HTR2C: variants seen among roughly 807,000 people sequenced by gnomAD.
HTR2C encodes the protein 5-hydroxytryptamine (serotonin) receptor 2C, G protein-coupled.
A neutral mutation model predicts 21.0 loss-of-function variants in HTR2C; 5 were observed. The observed-to-expected ratio is 0.24, with a 90% CI of 0.12 to 0.50. HTR2C has a LOEUF of 0.50. Among genes scored for constraint, HTR2C ranks in the 20% least tolerant of loss-of-function variants. The pLI is 0.98. For synonymous variants in HTR2C, 150 were observed against 145.3 expected (o/e 1.03, Z -0.23); for missense variants, 271 against 371.2 (o/e 0.73, Z 2.22).
chrX:114,902,209 C>T (rs782050906), intron 5 of HTR2C, among the ~76,000 whole-genome samples: 1 of 111,901 alleles, frequency 8.9e-6, no homozygotes, highest in South Asian at 3.7e-4. Flanking sequence ...ATTTACCAGA[C>T]ATGATAATAT....
At chrX:114,719,146 C>T (rs904172832) in intron 2 of HTR2C, among the ~76,000 whole-genome samples, 9 of 107,127 alleles carry the variant, frequency 8.4e-5, no homozygotes, top group East Asian at 2.9e-4. Flanking sequence ...TCAATTATTC[C>T]GTCAATTATC....
intron 2 of HTR2C, among the ~76,000 whole-genome samples, chrX:114,652,492 G>A (rs1243730625): frequency 3.7e-5 from 4 of 109,343 alleles, no homozygotes; most frequent in Non-Finnish European, 7.6e-5. Context: ...GAATAGAGGT[G>A]GGAAATGGAT....
intron 2 of HTR2C, among the ~76,000 whole-genome samples, chrX:114,682,141 G>T (rs1310077573): frequency 9.0e-6 from 1 of 110,704 alleles, no homozygotes; most frequent in Non-Finnish European, 1.9e-5. Context: ...TCAGAGAAAA[G>T]GATTTAAACA....
intron 4 of HTR2C, chrX:114,775,037 T>A (rs1483627765): frequency 1.2e-5 from 6 of 480,164 alleles, no homozygotes; most frequent in African/African-American, 2.4e-5. Flanking sequence ...AGCCATTTGA[T>A]AACTTCATTA....
chrX:114,890,420 A>G (rs2071250641), intron 5 of HTR2C, among the ~76,000 whole-genome samples: 1 of 112,083 alleles, frequency 8.9e-6, no homozygotes, highest in Non-Finnish European at 1.9e-5. Context: ...ATACTTAACC[A>G]CATATTCACT....
chrX:114,869,419 T>C (rs2071074332), intron 5 of HTR2C, among the ~76,000 whole-genome samples: 1 of 112,015 alleles, frequency 8.9e-6, no homozygotes, highest in South Asian at 3.7e-4. Flanking sequence ...ATCGCCTATG[T>C]GTGGCTATTT....
chrX:114,705,071 T>C (rs1932726390), intron 2 of HTR2C, among the ~76,000 whole-genome samples: 1 of 105,006 alleles, frequency 9.5e-6, no homozygotes, highest in East Asian at 3.0e-4. Flanking sequence ...TACAAACAAA[T>C]GGAAGAACAT....
chrX:114,697,188 T>C (rs1932305204), intron 2 of HTR2C, among the ~76,000 whole-genome samples: 1 of 112,252 alleles, frequency 8.9e-6, no homozygotes, highest in African/African-American at 3.2e-5. Context: ...AATCTGTACA[T>C]TATGGAATAA....
chrX:114,603,245 G>A (rs1336591269), intron 1 of HTR2C, among the ~76,000 whole-genome samples: 2 of 113,042 alleles, frequency 1.8e-5, no homozygotes, highest in African/African-American at 6.4e-5. Context: ...AGCTGAAGGA[G>A]CCGGGAAGCA....
intron 2 of HTR2C, among the ~76,000 whole-genome samples, chrX:114,647,310 A>G (rs1478123243): frequency 8.9e-6 from 1 of 112,220 alleles, no homozygotes; most frequent in Non-Finnish European, 1.9e-5. Context: ...TCATTCCACA[A>G]TGTATACAAG....
At chrX:114,629,395 A>G (rs1556403690) in intron 2 of HTR2C, among the ~76,000 whole-genome samples, 2 of 112,008 alleles carry the variant, frequency 1.8e-5, no homozygotes, top group Admixed American at 1.9e-4. Context: ...TTTTGCTGAG[A>G]AGTTTCTGGT....
intron 4 of HTR2C, chrX:114,775,193 T>C (rs1292459254): frequency 2.1e-5 from 11 of 520,591 alleles, no homozygotes; most frequent in African/African-American, 2.1e-4. Context: ...TCTTCAGCTT[T>C]GTACTTCTCA....
At chrX:114,837,701 A>G (rs2070799858) in intron 4 of HTR2C, among the ~76,000 whole-genome samples, 1 of 108,426 alleles carries the variant, frequency 9.2e-6, no homozygotes, top group East Asian at 2.9e-4. Flanking sequence ...CTACAGTCAA[A>G]AAAAAAAAAT....
At chrX:114,895,063 A>C (rs960434542) in intron 5 of HTR2C, among the ~76,000 whole-genome samples, 6 of 111,615 alleles carry the variant, frequency 5.4e-5, no homozygotes, top group African/African-American at 2.0e-4. Context: ...TCTGTGAGAC[A>C]CTGACAAGTG....
chrX:114,670,506 T>C (rs1931340524), intron 2 of HTR2C, among the ~76,000 whole-genome samples: 1 of 111,870 alleles, frequency 8.9e-6, no homozygotes, highest in Non-Finnish European at 1.9e-5. Flanking sequence ...TTGGTCTTTA[T>C]TAACTATGTA....
At chrX:114,856,743 T>G (rs193121542) in intron 5 of HTR2C, among the ~76,000 whole-genome samples, 233 of 111,351 alleles carry the variant, frequency 2.1e-3, no homozygotes, top group Non-Finnish European at 3.3e-3. Context: ...TTTTACTACT[T>G]CATAAAGTAT....
At chrX:114,803,494 A>G (rs1359344695) in intron 4 of HTR2C, among the ~76,000 whole-genome samples, 1 of 104,912 alleles carries the variant, frequency 9.5e-6, no homozygotes, top group Non-Finnish European at 2.0e-5. Flanking sequence ...GATGGTGAGC[A>G]TTTTTTCATG....
At chrX:114,776,495 A>C (rs2070058318) in intron 4 of HTR2C, 2 of 553,514 alleles carry the variant, frequency 3.6e-6, no homozygotes, top group Admixed American at 4.7e-5. Context: ...ATCATTCACC[A>C]TCATGAAGGG....
intron 5 of HTR2C, among the ~76,000 whole-genome samples, chrX:114,901,754 A>G (rs2071338658): frequency 8.9e-6 from 1 of 111,771 alleles, no homozygotes; most frequent in Non-Finnish European, 1.9e-5. Context: ...TTGCAGCACA[A>G]CATGAATTAT....
Sources: gnomAD v4.1 joint callset for allele counts (sites outside exome capture counted in the v4.1 genomes callset) on GRCh38, gnomAD v4.1.1 for gene constraint, MANE v1.5 for transcripts, NCBI Gene and HGNC (gene_info 2026-07-23, HGNC 2026-07-21) for gene names.